TMEM117: variants seen among roughly 807,000 people sequenced by gnomAD.
TMEM117 encodes the protein transmembrane protein 117.
Under a neutral mutation model 52.4 loss-of-function variants are expected in TMEM117, and 27 were observed. The ratio of observed to expected loss-of-function variants is 0.51; its 90% confidence interval spans 0.38 to 0.71. The LOEUF (loss-of-function observed/expected upper bound fraction) is 0.71. Ranked by LOEUF, TMEM117 falls within the 30% of genes least tolerant of loss-of-function variation. TMEM117 has a pLI of 0.00. For synonymous variants in TMEM117, 215 were observed against 206.3 expected (o/e 1.04, Z -0.36); for missense variants, 556 against 630.5 (o/e 0.88, Z 1.26).
intron 7 of TMEM117, among the ~76,000 whole-genome samples, chr12:44,384,260 A>T (rs1374287347): frequency 1.3e-5 from 2 of 152,142 alleles, no homozygotes; most frequent in African/African-American, 2.4e-5. Context: ...AAACAAACAA[A>T]CAAAAATAAT....
intron 2 of TMEM117, among the ~76,000 whole-genome samples, chr12:43,916,735 G>T (rs1944610005): frequency 6.6e-6 from 1 of 152,064 alleles, no homozygotes; most frequent in Admixed American, 6.6e-5. Context: ...TCAGTTACTG[G>T]GACTAAAAAA....
intron 4 of TMEM117, among the ~76,000 whole-genome samples, chr12:44,175,361 A>G (rs964021843): frequency 6.6e-6 from 1 of 152,170 alleles, no homozygotes; most frequent in African/African-American, 2.4e-5. Context: ...AGGCTTATGA[A>G]ACTGGGTTAG....
At chr12:43,935,637 A>G (rs1256265145) in intron 2 of TMEM117, among the ~76,000 whole-genome samples, 2 of 152,232 alleles carry the variant, frequency 1.3e-5, no homozygotes, top group Non-Finnish European at 2.9e-5. Flanking sequence ...CAAATCATAA[A>G]TCTCGGAATT....
chr12:43,997,319 C>A (rs2137767188), intron 3 of TMEM117, among the ~76,000 whole-genome samples: 1 of 152,182 alleles, frequency 6.6e-6, no homozygotes, highest in Middle Eastern at 3.4e-3. Context: ...TGCATAGGTA[C>A]CTGCTTGTTT....
At chr12:44,392,697 C>T (rs1186639221), downstream of TMEM117, among the ~76,000 whole-genome samples, 3 of 146,922 alleles carry the variant, frequency 2.0e-5, no homozygotes, top group African/African-American at 2.5e-5. Context: ...CGACAGGCCC[C>T]GGGGTGTGAT....
At chr12:44,114,766 G>C (rs1387496891) in intron 3 of TMEM117, among the ~76,000 whole-genome samples, 4 of 152,034 alleles carry the variant, frequency 2.6e-5, no homozygotes, top group Non-Finnish European at 5.9e-5. Flanking sequence ...AAGGGGTGAG[G>C]GTGGGAGAAC....
At chr12:44,000,782 G>C (rs1043637006) in intron 3 of TMEM117, among the ~76,000 whole-genome samples, 2 of 152,144 alleles carry the variant, frequency 1.3e-5, no homozygotes, top group African/African-American at 2.4e-5. Context: ...TTCCCGGGTC[G>C]GTTTTCAGTG....
At chr12:44,129,667 G>A (rs1416608676) in intron 3 of TMEM117, among the ~76,000 whole-genome samples, 1 of 152,202 alleles carries the variant, frequency 6.6e-6, no homozygotes, top group African/African-American at 2.4e-5. Flanking sequence ...GCTCTACCTT[G>A]TCATGCATTA....
At chr12:44,206,830 G>T (rs1949574118) in intron 4 of TMEM117, among the ~76,000 whole-genome samples, 1 of 152,090 alleles carries the variant, frequency 6.6e-6, no homozygotes, top group Admixed American at 6.6e-5. Context: ...AGGGTGAGAG[G>T]AGGGTGAGGA....
chr12:44,124,641 T>A (rs1665091436), intron 3 of TMEM117, among the ~76,000 whole-genome samples: 1 of 152,228 alleles, frequency 6.6e-6, no homozygotes, highest in Non-Finnish European at 1.5e-5. Context: ...AAAGGCCTTT[T>A]CTGCATCTAT....
intron 6 of TMEM117, among the ~76,000 whole-genome samples, chr12:44,368,946 G>A (rs540289565): frequency 1.1e-4 from 17 of 152,000 alleles, no homozygotes; most frequent in African/African-American, 3.6e-4. Context: ...AACTGATGAA[G>A]ATGATCTAAG....
At chr12:43,840,079 A>AT (rs200499574) in intron 1 of TMEM117, among the ~76,000 whole-genome samples, 2,726 of 148,838 alleles carry the variant, frequency 0.018, 40 homozygotes, top group Middle Eastern at 0.041. Flanking sequence ...AAGTACTGTG[A>AT]TTTTTTTTTT....
chr12:44,041,718 C>A (rs1012702555), intron 3 of TMEM117, among the ~76,000 whole-genome samples: 2 of 152,042 alleles, frequency 1.3e-5, no homozygotes, highest in African/African-American at 4.8e-5. Flanking sequence ...TACAAAATTC[C>A]TCAAAAAATA....
chr12:44,296,192 A>G (rs1177598014), intron 5 of TMEM117, among the ~76,000 whole-genome samples: 1 of 152,154 alleles, frequency 6.6e-6, no homozygotes, highest in Non-Finnish European at 1.5e-5. Context: ...AGTTGGCTCC[A>G]CAGATGGTAG....
intron 3 of TMEM117, among the ~76,000 whole-genome samples, chr12:44,074,081 A>T (rs563879658): frequency 6.6e-6 from 1 of 152,332 alleles, no homozygotes; most frequent in Non-Finnish European, 1.5e-5. Flanking sequence ...TAATGAATCA[A>T]TGTACCTTCC....
the TMEM117 span, chr12:43,804,223 T>C: frequency 6.2e-6 from 3 of 481,444 alleles, no homozygotes; most frequent in Non-Finnish European, 1.2e-5. Context: ...ACATTAGAAA[T>C]GGACTGTGGT....
intron 2 of TMEM117, among the ~76,000 whole-genome samples, chr12:43,875,422 T>A (rs2137436702): frequency 6.6e-6 from 1 of 152,288 alleles, no homozygotes; most frequent in Non-Finnish European, 1.5e-5. Flanking sequence ...TTTTATTTTA[T>A]TTTTTTGAGA....
intron 4 of TMEM117, among the ~76,000 whole-genome samples, chr12:44,146,962 G>T (rs1948651406): frequency 6.6e-6 from 1 of 152,108 alleles, no homozygotes; most frequent in Non-Finnish European, 1.5e-5. Flanking sequence ...ACCAATATGA[G>T]AAGTATCTTT....
At chr12:43,930,925 G>A (rs1034470918) in intron 2 of TMEM117, among the ~76,000 whole-genome samples, 80 of 152,298 alleles carry the variant, frequency 5.3e-4, no homozygotes, top group African/African-American at 1.9e-3. Context: ...ATAGAGCTGG[G>A]TGTGTGGGGA....
Sources: allele counts gnomAD v4.1 joint callset (sites outside exome capture counted in the v4.1 genomes callset), GRCh38; gene constraint gnomAD v4.1.1; transcripts MANE v1.5; gene names NCBI Gene and HGNC (gene_info 2026-07-23, HGNC 2026-07-21).